The following EFCAB6 variants were observed in gnomAD, a reference collection of about 807,000 sequenced individuals.
EFCAB6 encodes EF-hand calcium-binding domain-containing protein 6.
Under a neutral mutation model 169.8 loss-of-function variants are expected in EFCAB6, and 156 were observed. The observed-to-expected ratio is 0.92, with a 90% CI of 0.81 to 1.05. The LOEUF is 1.05. EFCAB6 is among the 50% of genes least tolerant of loss of function. EFCAB6 has a pLI of 0.00. For missense variants in EFCAB6, 1,800 were observed against 1,829.1 expected (o/e 0.98, Z 0.29); for synonymous variants, 698 against 676.4 (o/e 1.03, Z -0.50).
intron 13 of EFCAB6, among the ~76,000 whole-genome samples, chr22:43,674,189 T>A (rs562239227): frequency 6.6e-6 from 1 of 152,318 alleles, no homozygotes; most frequent in East Asian, 1.9e-4. Context: ...CAAATAACAA[T>A]GCTTTGGTGT....
Position 43,760,074 on chromosome 22 carries a change from C to A in EFCAB6, c.441-4242G>T, listed in dbSNP as rs149665438. ...ACAAAAATTAGCTAGTGTGGTGGCA[C>A]ACACCTGTAATCCCAGCTACTTGGG... On this transcript the variant is annotated intron_variant, in intron 5 of 31. Transcript: ENST00000262726. Among the ~76,000 whole-genome samples, 69 of 152,010 alleles carry A rather than the reference C, an allele frequency of 4.5e-4. No individual in the cohort carries two copies. In the East Asian group the frequency reaches 0.013, roughly 30 times the overall value.
chr22:43,704,923 A>C (rs529602400), intron 10 of EFCAB6, among the ~76,000 whole-genome samples: 1 of 152,258 alleles, frequency 6.6e-6, no homozygotes, highest in East Asian at 1.9e-4. Flanking sequence ...TATGGATGTA[A>C]ATGGATTAAA....
intron 24 of EFCAB6, among the ~76,000 whole-genome samples, chr22:43,582,761 A>G (rs62226981): frequency 0.063 from 9,588 of 152,150 alleles, 368 homozygotes; most frequent in Admixed American, 0.097. Context: ...AAAACTCAAG[A>G]GAGGAGAAAG....
chr22:43,633,625 C>T (rs558998894), intron 18 of EFCAB6, among the ~76,000 whole-genome samples: 28 of 152,330 alleles, frequency 1.8e-4, no homozygotes, highest in African/African-American at 6.3e-4. Context: ...AGGCTGGGGT[C>T]ATCTGAGTGT....
intron 21 of EFCAB6, 138 bp from the exon 22 acceptor site, chr22:43,608,738 C>T (rs1258328051): frequency 6.6e-6 from 5 of 752,530 alleles, no homozygotes; most frequent in Admixed American, 4.7e-5. Context: ...TTTTAATCTA[C>T]GTTCCAGGTA....
At chr22:43,796,558 GAC>G (rs2062515817) in intron 2 of EFCAB6, among the ~76,000 whole-genome samples, 1 of 151,876 alleles carries the variant, frequency 6.6e-6, no homozygotes, top group African/African-American at 2.4e-5. Context: ...TGTGATGACA[GAC>G]ACAGATACGG....
intron 25 of EFCAB6, 67 bp downstream of exon 25, chr22:43,580,396 TG>T: frequency 6.5e-7 from 1 of 1,540,600 alleles, no homozygotes; most frequent in South Asian, 1.2e-5. Context: ...GGTTTCAGGG[TG>T]GGGCTGAGAG....
chr22:43,652,213 G>A (rs902886950), intron 17 of EFCAB6, among the ~76,000 whole-genome samples: 11 of 152,100 alleles, frequency 7.2e-5, no homozygotes, highest in African/African-American at 1.2e-4. Context: ...GAATCATGGG[G>A]GCAAGTCTTT....
intron 3 of EFCAB6, among the ~76,000 whole-genome samples, chr22:43,780,426 G>A (rs942147797): frequency 1.4e-5 from 2 of 138,462 alleles, no homozygotes; most frequent in Non-Finnish European, 3.0e-5. Flanking sequence ...GGCAGAGGTT[G>A]CAGTTAGCCA....
intron 5 of EFCAB6, among the ~76,000 whole-genome samples, chr22:43,757,849 T>A (rs2061013783): frequency 6.6e-6 from 1 of 152,238 alleles, no homozygotes; most frequent in African/African-American, 2.4e-5. Flanking sequence ...ACCCAGCCTA[T>A]GACCATTTAT....
At chr22:43,708,057 T>C (rs1603256908) in intron 10 of EFCAB6, among the ~76,000 whole-genome samples, 2 of 105,354 alleles carry the variant, frequency 1.9e-5, no homozygotes, top group Admixed American at 2.1e-4. Context: ...CTTAAAACAG[T>C]GGAAGGGAAA....
In EFCAB6 at chr22:43,632,616, A is replaced by G. The variant is rs143786608; in HGVS notation, c.2099-378T>C. Among the ~76,000 whole-genome samples, 170 of 152,154 alleles carry G rather than the reference A, an allele frequency of 1.1e-3. 1 individual carries two copies. Among genetic ancestry groups the G allele is most frequent in the African/African-American group, 3.9e-3 (161 of 41,550 alleles). ...CACCCGGCCCACTGGCTTCATTTCT[A>G]CATCAACACTTTATCTCTGCCTGTC... On this transcript the variant is annotated intron_variant, in intron 18 of 31. Transcript: ENST00000262726.
rs931148468 is a variant in EFCAB6 at position 43,694,216 on chromosome 22, G to C, written c.1032-6635C>G. Among the ~76,000 whole-genome samples, 5 of 151,668 alleles carry C rather than the reference G, an allele frequency of 3.3e-5. No homozygotes were observed. The East Asian group carries it at 9.6e-4, about 29-fold the overall frequency. ...GAGTCACAGAAAGAGAGGAGAGAAA[G>C]AATGGGAAAAACATTTGTTGAAAAA... On this transcript the variant is annotated intron_variant, in intron 10 of 31. Coordinates refer to ENST00000262726, the MANE Select transcript of EFCAB6 (RefSeq NM_022785.4).
intron 3 of EFCAB6, among the ~76,000 whole-genome samples, chr22:43,774,354 G>A (rs942206417): frequency 6.6e-6 from 1 of 150,864 alleles, no homozygotes; most frequent in Admixed American, 6.6e-5. Context: ...AAGAGACAAC[G>A]TGCAGGCACC....
At chr22:43,746,486 A>G (rs2060568215) in intron 6 of EFCAB6, among the ~76,000 whole-genome samples, 1 of 152,172 alleles carries the variant, frequency 6.6e-6, no homozygotes, top group South Asian at 2.1e-4. Flanking sequence ...CTTCCCCCAC[A>G]TTCAATTTTT....
At chr22:43,713,829 T>C (rs2059241851) in intron 9 of EFCAB6, among the ~76,000 whole-genome samples, 1 of 152,100 alleles carries the variant, frequency 6.6e-6, no homozygotes, top group Admixed American at 6.5e-5. Context: ...ATAATATGAG[T>C]GAATCTCATC....
At chr22:43,708,959 A>T (rs374851978) in intron 10 of EFCAB6, among the ~76,000 whole-genome samples, 1 of 152,216 alleles carries the variant, frequency 6.6e-6, no homozygotes, top group South Asian at 2.1e-4. Context: ...CGCTAGAACA[A>T]GTTATAAGAA....
chr22:43,680,257 A>C (rs1027152903), intron 12 of EFCAB6, among the ~76,000 whole-genome samples: 1 of 152,204 alleles, frequency 6.6e-6, no homozygotes, highest in African/African-American at 2.4e-5. Context: ...TGGACCATAA[A>C]TGTAAGGGTT....
At chr22:43,750,815 A>C (rs2060731494) in intron 6 of EFCAB6, among the ~76,000 whole-genome samples, 1 of 152,238 alleles carries the variant, frequency 6.6e-6, no homozygotes, top group Non-Finnish European at 1.5e-5. Context: ...TAAGAGAATG[A>C]ATCTACCCAC....
Sources: gnomAD v4.1 joint callset for allele counts (sites outside exome capture counted in the v4.1 genomes callset) on GRCh38, gnomAD v4.1.1 for gene constraint, MANE v1.5 for transcripts, NCBI Gene and HGNC (gene_info 2026-07-23, HGNC 2026-07-21) for gene names.